Variants in RAD51AP2 observed in about 807,000 individuals in gnomAD.
RAD51AP2 encodes the protein RAD51-associated protein 2.
Under a neutral mutation model 85.5 loss-of-function variants are expected in RAD51AP2, and 67 were observed. The observed-to-expected ratio is 0.78, with a 90% confidence interval of 0.64 to 0.96. The LOEUF is 0.96. RAD51AP2 is among the 40% of genes least tolerant of loss of function. The probability of loss-of-function intolerance (pLI) is 0.00; values close to 1 mark genes in which losing one functional copy is unlikely to be tolerated. For missense variants in RAD51AP2, 1,307 were observed against 1,332.4 expected (o/e 0.98, Z 0.30); for synonymous variants, 474 against 446.5 (o/e 1.06, Z -0.78).
At chr2:17,528,432 A>G in the RAD51AP2 span, among the ~76,000 whole-genome samples, 1 of 152,216 alleles carries the variant, frequency 6.6e-6, no homozygotes, top group South Asian at 2.1e-4. Context: ...TAAAACATAA[A>G]AATATATATG....
At position 17,516,860 on chromosome 2, in the gene RAD51AP2, CT is replaced by C; in HGVS notation, c.1555del (p.Ser519ValfsTer12). ...FIIEIFYFHK[S>X]ISGNKKDNSI... ...ATTATCTTTTTTATTTCCTGAAATA[CT>C]TTTATGGAAATAAAAAATTTCTATA... On this transcript the variant is annotated frameshift_variant, in exon 1 of 3. Coordinates refer to ENST00000399080, the MANE Select transcript of RAD51AP2 (RefSeq NM_001099218.3). LOFTEE classifies it high-confidence loss of function. 6.4e-7 allele frequency: 1 copy of C among 1,553,982 alleles called. No homozygotes were observed. Among genetic ancestry groups the C allele is most frequent in the Non-Finnish European group, 8.7e-7 (1 of 1,150,554 alleles).
chr2:17,518,972 T>C (rs1042339718), upstream of RAD51AP2, among the ~76,000 whole-genome samples: 2 of 152,142 alleles, frequency 1.3e-5, no homozygotes, highest in African/African-American at 2.4e-5. Context: ...CTTAAGATCA[T>C]ATTAATATTT....
At chr2:17,519,793 A>G (rs1341401570), upstream of RAD51AP2, among the ~76,000 whole-genome samples, 2 of 152,078 alleles carry the variant, frequency 1.3e-5, no homozygotes, top group Non-Finnish European at 2.9e-5. Flanking sequence ...CTTATGTTCT[A>G]TTGCTTTTCT....
chr2:17,518,306 CAG>C lies in RAD51AP2; in HGVS notation c.108_109del (p.Cys37SerfsTer2). ...AAAGACACCTCCAGGCTCCTCAAGA[CAG>C]AGCCGCTTGCTACTAGGTGGTTGGG... is the stretch of plus-strand genomic sequence containing the variant. On this transcript the variant is annotated frameshift_variant, in exon 1 of 3. Coordinates refer to ENST00000399080, the MANE Select transcript of RAD51AP2 (RefSeq NM_001099218.3). LOFTEE classifies it high-confidence loss of function. 3 of 1,614,142 alleles carry C rather than the reference CAG, an allele frequency of 1.9e-6. No individual in the cohort carries two copies. The highest frequency in any genetic ancestry group is 1.7e-6 in the Non-Finnish European group (2 of 1,179,998).
rs746029222 is a variant in RAD51AP2 at position 17,516,489 on chromosome 2, T to A, written c.1927A>T (p.Met643Leu). Reference sequence around the variant, plus strand: ...TTCCTTTTCTTTAACATAGGTTTCATATTATCTTCTAATAGTCTTGAAGAA... The same window carrying A: ...TTCCTTTTCTTTAACATAGGTTTCAAATTATCTTCTAATAGTCTTGAAGAA... ...LTSSRLLEDN[M>L]KPMLKKRKLF... Residue 643 changes from methionine (M) to leucine (L), a missense_variant, in exon 1 of 3, where the codon ATG becomes TTG. Physicochemically the swap from Met to Leu is conservative, Grantham distance 15 (BLOSUM62 2). Coordinates refer to ENST00000399080, the MANE Select transcript of RAD51AP2 (RefSeq NM_001099218.3). 7.8e-6 allele frequency: 12 copies of A among 1,539,726 alleles called. No individual in the cohort carries two copies. Among genetic ancestry groups the A allele is most frequent in the Non-Finnish European group, 4.4e-6 (5 of 1,131,812 alleles).
At chr2:17,511,676 A>G (rs75948235) in intron 2 of RAD51AP2, among the ~76,000 whole-genome samples, 6,118 of 152,280 alleles carry the variant, frequency 0.04, 148 homozygotes, top group Middle Eastern at 0.078. Context: ...CCTCAATATA[A>G]TAGCCTGTTA....
upstream of RAD51AP2, among the ~76,000 whole-genome samples, chr2:17,520,778 GC>G (rs1186782049): frequency 1.4e-5 from 2 of 142,164 alleles, no homozygotes; most frequent in Admixed American, 1.4e-4. Context: ...TAAACAATTT[GC>G]CCCCATGCTG....
the RAD51AP2 span, among the ~76,000 whole-genome samples, chr2:17,532,893 G>A: frequency 2.0e-5 from 3 of 152,118 alleles, no homozygotes; most frequent in Non-Finnish European, 4.4e-5. Context: ...CTTTAGCTGG[G>A]TTAAATACAC....
In RAD51AP2 at chr2:17,516,750, T is replaced by C; in HGVS notation, c.1666A>G (p.Asn556Asp). Residue 556 changes from asparagine (N) to aspartate (D), a missense_variant, in exon 1 of 3, where the codon AAT (asparagine) becomes GAT (aspartate). Physicochemically the swap from Asn to Asp is conservative, Grantham distance 23. Coordinates refer to ENST00000399080, the MANE Select transcript of RAD51AP2 (RefSeq NM_001099218.3). ...GIQNLITRNMNTNIKNGILSI... is the reference protein window; with the variant it reads ...GIQNLITRNMDTNIKNGILSI... ...AAAATTCCATTCTTTATATTTGTAT[T>C]CATGTTTCTGGTTATTAGATTTTGA... is the stretch of plus-strand genomic sequence containing the variant. 1 of 1,571,044 alleles carries C rather than the reference T, an allele frequency of 6.4e-7. No individual in the cohort carries two copies. Among genetic ancestry groups the C allele is most frequent in the South Asian group, 1.2e-5 (1 of 84,914 alleles).
At chr2:17,532,939 A>G in the RAD51AP2 span, among the ~76,000 whole-genome samples, 1 of 152,238 alleles carries the variant, frequency 6.6e-6, no homozygotes, top group Non-Finnish European at 1.5e-5. Context: ...TTTCTTACAG[A>G]CAATATTCCA....
chr2:17,530,868 G>A, the RAD51AP2 span, among the ~76,000 whole-genome samples: 1 of 152,116 alleles, frequency 6.6e-6, no homozygotes, highest in African/African-American at 2.4e-5. Flanking sequence ...ATTTAAAATG[G>A]TCCTTAATCC....
chr2:17,513,629 A>T (rs766758448), intron 2 of RAD51AP2, among the ~76,000 whole-genome samples: 8 of 152,162 alleles, frequency 5.3e-5, no homozygotes, highest in Non-Finnish European at 1.0e-4. Context: ...TCACATAATA[A>T]AATGTCCACA....
At chr2:17,514,182 C>A in intron 1 of RAD51AP2, 90 bp from the exon 2 acceptor site, 1 of 795,154 alleles carries the variant, frequency 1.3e-6, no homozygotes, top group Non-Finnish European at 2.1e-6. Context: ...AGAAATATTT[C>A]CTTCAGTTGG....
upstream of RAD51AP2, chr2:17,518,487 T>C (rs924951633): frequency 5.6e-5 from 86 of 1,536,958 alleles, no homozygotes; most frequent in Non-Finnish European, 7.3e-5. Flanking sequence ...TCCGGGCCGC[T>C]CTGGTCACGC....
chr2:17,532,532 T>A, the RAD51AP2 span, among the ~76,000 whole-genome samples: 364 of 151,790 alleles, frequency 2.4e-3, 1 homozygote, highest in Middle Eastern at 0.02. Context: ...GAAAAAAAAA[T>A]TATAAGAAAA....
chr2:17,516,649 A>G lies in RAD51AP2; in HGVS notation c.1767T>C (p.Asn589=). The stretch of plus-strand genomic sequence containing the variant: ...CAATTCTTGTTAAAGAGTCAAAGTT[A>G]TTGAGCAAAAAAGCTATGTTAGTTT... ...LLKTNIAFLL[N]NFDSLTRIEN... Residue 589 remains asparagine, a synonymous_variant, in exon 1 of 3, where the codon AAT becomes AAC. Transcript: ENST00000399080. 5 of 1,572,138 alleles carry G rather than the reference A, an allele frequency of 3.2e-6. No homozygotes were observed. The highest frequency in any genetic ancestry group is 4.3e-6 in the Non-Finnish European group (5 of 1,161,560).
At chr2:17,518,538 A>C, upstream of RAD51AP2, 24 of 1,297,624 alleles carry the variant, frequency 1.8e-5, no homozygotes, top group Admixed American at 2.4e-5. Flanking sequence ...GCCTAATCTC[A>C]GGGTTTGCCC....
chr2:17,516,929 G>A lies in RAD51AP2; in HGVS notation c.1487C>T (p.Thr496Ile). ...DNTLQLRYNTTQKVFHVNNPF... is the reference protein window; with the variant it reads ...DNTLQLRYNTIQKVFHVNNPF... ...GTTGTTCACATGAAAGACTTTTTGT[G>A]TAGTATTGTATCTCAACTGTAGAGT... The change falls in exon 1 of 3, where the codon ACA becomes ATA. Residue 496 changes from threonine to isoleucine, a missense_variant. By Grantham distance (89) the Thr-to-Ile change is moderately conservative. Transcript: ENST00000399080. 1 of 1,597,876 alleles carries A rather than the reference G, an allele frequency of 6.3e-7. No individual in the cohort carries two copies. Among genetic ancestry groups the A allele is most frequent in the Non-Finnish European group, 8.5e-7 (1 of 1,174,292 alleles).
chr2:17,517,251 G>A lies in RAD51AP2; in HGVS notation c.1165C>T (p.Leu389=), dbSNP rs373375409. The A allele has an allele frequency of 4.3e-5, 69 of 1,613,630 alleles. No individual in the cohort carries two copies. In the African/African-American group the frequency reaches 8.3e-4, roughly 19 times the overall value. The change falls in exon 1 of 3, where the codon CTG becomes TTG. Residue 389 remains leucine (L), a synonymous_variant. Transcript: ENST00000399080. ...ECLDSYVLTR[L]EKSQNWDCNV... ...CAGTCCCAGTTTTGAGATTTTTCCAGCCTGGTAAGTACGTAACTGTCCAGA... is the reference window on the plus strand; with the variant it reads ...CAGTCCCAGTTTTGAGATTTTTCCAACCTGGTAAGTACGTAACTGTCCAGA...
Sources: gnomAD v4.1 joint callset for allele counts (sites outside exome capture counted in the v4.1 genomes callset) on GRCh38, gnomAD v4.1.1 for gene constraint, MANE v1.5 for transcripts, NCBI Gene and HGNC (gene_info 2026-07-23, HGNC 2026-07-21) for gene names.